Variants in TBC1D14 observed in about 807,000 individuals in gnomAD.
The protein encoded by TBC1D14 is TBC1 domain family, member 14.
A neutral mutation model predicts 79.0 loss-of-function variants in TBC1D14; 26 were observed. The observed-to-expected ratio is 0.33, with a 90% CI of 0.24 to 0.46. TBC1D14 has a LOEUF of 0.46. Among genes scored for constraint, TBC1D14 ranks in the 20% least tolerant of loss-of-function variants. The pLI is 1.00. For synonymous variants in TBC1D14, 394 were observed against 349.9 expected (o/e 1.13, Z -1.40); for missense variants, 769 against 887.6 (o/e 0.87, Z 1.70).
At chr4:7,029,109 G>A (rs141992208) in intron 13 of TBC1D14, among the ~76,000 whole-genome samples, 4,431 of 152,238 alleles carry the variant, frequency 0.029, 224 homozygotes, top group African/African-American at 0.1. Context: ...CAAAGTGCTG[G>A]GATTGCAGGC....
At chr4:7,027,994 A>G (rs1426337447) in intron 13 of TBC1D14, among the ~76,000 whole-genome samples, 3 of 90,402 alleles carry the variant, frequency 3.3e-5, no homozygotes, top group Non-Finnish European at 6.3e-5. Context: ...ATAGATCACC[A>G]CTTACACATC....
In TBC1D14 at chr4:6,967,249, T is replaced by C. The variant is rs1034866606; in HGVS notation, c.723-55T>C. ...TTTTATTAGAGTGGTTCTGCTGTTC[T>C]GGTGTTTCTTGAATTACCCAGAAAT... On this transcript the variant is annotated intron_variant, in intron 2 of 13. Coordinates refer to ENST00000409757, the MANE Select transcript of TBC1D14 (RefSeq NM_020773.3). The C allele has an allele frequency of 3.8e-6, 6 of 1,597,748 alleles. No homozygotes were observed. The East Asian group carries it at 8.9e-5, about 24-fold the overall frequency.
intron 2 of TBC1D14, among the ~76,000 whole-genome samples, chr4:6,939,810 G>A (rs4234789): frequency 0.93 from 140,398 of 151,650 alleles, 65,650 homozygotes; most frequent in East Asian, 1. Flanking sequence ...TACACAGGGG[G>A]GTCAGGGAGG....
chr4:7,017,248 C>T (rs891651279), intron 12 of TBC1D14, among the ~76,000 whole-genome samples: 14 of 151,842 alleles, frequency 9.2e-5, no homozygotes, highest in African/African-American at 2.4e-4. Flanking sequence ...TGCAGTGAGC[C>T]GAGATCACAC....
At chr4:6,974,404 G>T (rs553254444) in intron 3 of TBC1D14, among the ~76,000 whole-genome samples, 10 of 152,300 alleles carry the variant, frequency 6.6e-5, no homozygotes, top group Admixed American at 5.2e-4. Context: ...GAAAGTACTG[G>T]GGGGATTGCA....
intron 2 of TBC1D14, among the ~76,000 whole-genome samples, chr4:6,944,413 G>A: frequency 6.6e-6 from 1 of 152,206 alleles, no homozygotes; most frequent in East Asian, 1.9e-4. Flanking sequence ...GGGCTTCAGA[G>A]TGCGGTGCCT....
intron 11 of TBC1D14, among the ~76,000 whole-genome samples, chr4:7,013,782 C>T (rs926742136): frequency 3.3e-5 from 5 of 150,632 alleles, no homozygotes; most frequent in African/African-American, 4.9e-5. Flanking sequence ...CTCGCTGTGT[C>T]GCCCAGGCTG....
intron 3 of TBC1D14, among the ~76,000 whole-genome samples, chr4:6,977,639 C>T (rs1716881700): frequency 2.0e-5 from 3 of 146,832 alleles, no homozygotes; most frequent in South Asian, 2.2e-4. Context: ...AAGTGAGGAG[C>T]GTCTCTGCCC....
chr4:6,929,200 G>A (rs1052725168), intron 2 of TBC1D14, among the ~76,000 whole-genome samples: 3 of 152,180 alleles, frequency 2.0e-5, no homozygotes, highest in Admixed American at 6.5e-5. Flanking sequence ...GGTAAGGCAG[G>A]TGCTCAGTCT....
At chr4:6,974,199 T>C (rs1409481344) in intron 3 of TBC1D14, among the ~76,000 whole-genome samples, 3 of 152,232 alleles carry the variant, frequency 2.0e-5, no homozygotes, top group Non-Finnish European at 4.4e-5. Context: ...GGCATTCTTA[T>C]GAGAGCAGCA....
At chr4:6,923,193 G>T (rs1189337239) in intron 1 of TBC1D14, among the ~76,000 whole-genome samples, 180 bp from the exon 2 acceptor site, 1 of 152,178 alleles carries the variant, frequency 6.6e-6, no homozygotes, top group Non-Finnish European at 1.5e-5. Context: ...CAGAGCGAGA[G>T]TCTGTGTCAA....
chr4:7,027,008 C>T (rs1024581627), intron 13 of TBC1D14, among the ~76,000 whole-genome samples: 17 of 152,108 alleles, frequency 1.1e-4, no homozygotes, highest in African/African-American at 3.9e-4. Flanking sequence ...GTCAGGAGTT[C>T]AAGACAAGCC....
At chr4:6,947,127 G>A (rs924098291) in intron 2 of TBC1D14, among the ~76,000 whole-genome samples, 6 of 152,242 alleles carry the variant, frequency 3.9e-5, no homozygotes, top group African/African-American at 1.2e-4. Flanking sequence ...TTGGGAGGCC[G>A]AGGCGGGCGG....
chr4:6,998,044 G>GGT (rs1209749271), intron 5 of TBC1D14, among the ~76,000 whole-genome samples: 1 of 152,170 alleles, frequency 6.6e-6, no homozygotes, highest in Non-Finnish European at 1.5e-5. Context: ...CTAAATGCAT[G>GGT]GTATTTCTCA....
chr4:6,974,922 TTTTG>T (rs1361549155), intron 3 of TBC1D14, among the ~76,000 whole-genome samples: 6 of 152,086 alleles, frequency 3.9e-5, no homozygotes, highest in African/African-American at 1.4e-4. Flanking sequence ...TTTTGTTTTG[TTTTG>T]TTTGAGATGG....
At chr4:6,963,900 G>A (rs1715468043) in intron 2 of TBC1D14, among the ~76,000 whole-genome samples, 1 of 152,026 alleles carries the variant, frequency 6.6e-6, no homozygotes, top group Non-Finnish European at 1.5e-5. Context: ...AGGTTCAAGC[G>A]ATTCTTTGTG....
intron 2 of TBC1D14, among the ~76,000 whole-genome samples, chr4:6,949,002 G>T (rs1713759065): frequency 6.6e-6 from 1 of 151,442 alleles, no homozygotes; most frequent in African/African-American, 2.4e-5. Flanking sequence ...GTGAAACCCT[G>T]TCTCTAGTAA....
chr4:7,030,307 GT>G lies in TBC1D14; in HGVS notation c.2017-19del. ...TGTGCGTGGTCACTTAACCTCAGCT[GT>G]CTTCCCTGTGACTTCTAGGTACTGA... On this transcript the variant is annotated intron_variant, in intron 13 of 13. Transcript: ENST00000409757. 6.2e-7 allele frequency: 1 copy of G among 1,612,958 alleles called. No homozygotes were observed. Among genetic ancestry groups the G allele is most frequent in the Non-Finnish European group, 8.5e-7 (1 of 1,179,046 alleles).
intron 10 of TBC1D14, 129 bp from the exon 11 acceptor site, chr4:7,010,524 C>T (rs907319825): frequency 2.6e-5 from 30 of 1,145,818 alleles, no homozygotes; most frequent in African/African-American, 4.7e-5. Context: ...GTTGGGTGGC[C>T]GGAGGAGTGG....
Sources: allele counts gnomAD v4.1 joint callset (sites outside exome capture counted in the v4.1 genomes callset), GRCh38; gene constraint gnomAD v4.1.1; transcripts MANE v1.5; gene names NCBI Gene and HGNC (gene_info 2026-07-23, HGNC 2026-07-21).